MLLT10: variants seen among roughly 807,000 people sequenced by gnomAD.
MLLT10 encodes the protein protein AF-10.
Under a neutral mutation model 129.1 loss-of-function variants are expected in MLLT10, and 30 were observed. The observed-to-expected ratio is 0.23, with a 90% CI of 0.17 to 0.32. The LOEUF is 0.32. MLLT10 is among the 10% of genes least tolerant of loss of function. The probability of loss-of-function intolerance (pLI) is 1.00; values close to 1 mark genes in which losing one functional copy is unlikely to be tolerated. For synonymous variants in MLLT10, 490 were observed against 446.4 expected (o/e 1.10, Z -1.23); for missense variants, 1,119 against 1,268.3 (o/e 0.88, Z 1.79).
chr10:21,651,540 C>A, intron 8 of MLLT10, 133 bp from the exon 9 acceptor site: 1 of 605,970 alleles, frequency 1.7e-6, no homozygotes, highest in Non-Finnish European at 2.9e-6. Context: ...TAAAACAACA[C>A]AATGATCAGA....
chr10:21,564,836 A>AAT (rs2039347407), intron 3 of MLLT10, among the ~76,000 whole-genome samples: 1 of 151,856 alleles, frequency 6.6e-6, no homozygotes, highest in African/African-American at 2.4e-5. Context: ...AAAAAAAAAA[A>AAT]AAAAGGTATT....
intron 9 of MLLT10, among the ~76,000 whole-genome samples, chr10:21,666,406 T>C: frequency 6.6e-6 from 1 of 152,114 alleles, no homozygotes; most frequent in East Asian, 1.9e-4. Flanking sequence ...GGCTCATGGC[T>C]GTACTCCCAA....
chr10:21,688,906 A>C (rs766496398), intron 13 of MLLT10, among the ~76,000 whole-genome samples: 1 of 152,112 alleles, frequency 6.6e-6, no homozygotes, highest in Non-Finnish European at 1.5e-5. Flanking sequence ...TTTTATAATC[A>C]TGATAACTCT....
chr10:21,635,804 G>A (rs530186506), intron 8 of MLLT10, among the ~76,000 whole-genome samples: 1 of 150,514 alleles, frequency 6.6e-6, no homozygotes, highest in East Asian at 1.9e-4. Flanking sequence ...TCAGCTCACT[G>A]CCACCTCCGC....
chr10:21,582,464 T>G (rs757833331), intron 3 of MLLT10, among the ~76,000 whole-genome samples: 3 of 152,160 alleles, frequency 2.0e-5, no homozygotes, highest in Non-Finnish European at 4.4e-5. Flanking sequence ...GTGCCTAATT[T>G]ATAAATTAAA....
intron 14 of MLLT10, among the ~76,000 whole-genome samples, chr10:21,722,064 TTACA>T (rs2057172271): frequency 1.3e-5 from 2 of 151,932 alleles, no homozygotes; most frequent in African/African-American, 4.8e-5. Flanking sequence ...TATATTATCC[TTACA>T]TAAAGAGGAA....
intron 8 of MLLT10, among the ~76,000 whole-genome samples, chr10:21,650,831 T>C (rs967692558): frequency 4.6e-5 from 7 of 152,220 alleles, no homozygotes; most frequent in African/African-American, 7.2e-5. Context: ...ACCCTAACTT[T>C]ATCTAAATTT....
intron 4 of MLLT10, among the ~76,000 whole-genome samples, chr10:21,593,717 A>G (rs1334986085): frequency 6.6e-6 from 1 of 151,894 alleles, no homozygotes; most frequent in Non-Finnish European, 1.5e-5. Flanking sequence ...ACTTGAGGTC[A>G]GGAGGTCGAG....
At chr10:21,739,887 G>A in intron 21 of MLLT10, 143 bp from the exon 22 acceptor site, 1 of 668,960 alleles carries the variant, frequency 1.5e-6, no homozygotes, top group Non-Finnish European at 2.6e-6. Context: ...ATTATCTAGT[G>A]CAGCATATTT....
chr10:21,555,672 A>AG (rs1391941809), intron 3 of MLLT10, among the ~76,000 whole-genome samples: 1 of 142,474 alleles, frequency 7.0e-6, no homozygotes, highest in African/African-American at 2.6e-5. Context: ...CAAATGTAAG[A>AG]CAATTTTTTT....
At chr10:21,612,580 A>G (rs2044760372) in intron 6 of MLLT10, 129 bp downstream of exon 6, 1 of 488,808 alleles carries the variant, frequency 2.0e-6, no homozygotes, top group African/African-American at 1.9e-5. Flanking sequence ...CTATGTTCAC[A>G]TTTACTTATT....
chr10:21,626,996 T>C (rs1400231351), intron 8 of MLLT10, among the ~76,000 whole-genome samples: 1 of 152,204 alleles, frequency 6.6e-6, no homozygotes, highest in Non-Finnish European at 1.5e-5. Context: ...GTTAGAGTTT[T>C]AGACTTCGTC....
chr10:21,728,063 AG>A, intron 16 of MLLT10, 135 bp downstream of exon 16: 1 of 609,502 alleles, frequency 1.6e-6, no homozygotes. Flanking sequence ...TGTCTAGACA[AG>A]AAAAATGATT....
At chr10:21,722,263 C>T (rs2057187512) in intron 14 of MLLT10, among the ~76,000 whole-genome samples, 1 of 152,130 alleles carries the variant, frequency 6.6e-6, no homozygotes, top group Non-Finnish European at 1.5e-5. Flanking sequence ...AGGAGAGTGT[C>T]TATTCACAAT....
Position 21,613,997 on chromosome 10 carries a change from G to C in MLLT10, c.510-834G>C, listed in dbSNP as rs1052050858. On this transcript the variant is annotated intron_variant, in intron 6 of 22. Transcript: ENST00000307729. ...GCACTTTAGGAGGCCAAGGTGGGAG[G>C]ATCGCTTGAGTTAAAGAGCAGTCTG... 9.2e-5 allele frequency among the ~76,000 whole-genome samples: 14 copies of C among 151,860 alleles called. 1 individual carries two copies. Among genetic ancestry groups the C allele is most frequent in the Admixed American group, 9.2e-4 (14 of 15,242 alleles).
chr10:21,623,185 A>G (rs1254298377), intron 8 of MLLT10, among the ~76,000 whole-genome samples: 2 of 152,160 alleles, frequency 1.3e-5, no homozygotes, highest in African/African-American at 4.8e-5. Flanking sequence ...TTATGTAGGC[A>G]CAATTTATTA....
At chr10:21,621,336 C>G (rs2045831567) in intron 8 of MLLT10, among the ~76,000 whole-genome samples, 1 of 150,990 alleles carries the variant, frequency 6.6e-6, no homozygotes, top group African/African-American at 2.4e-5. Context: ...GCTCCGCCTT[C>G]CAGGTTCACG....
At chr10:21,739,934 A>G (rs1241006452) in intron 21 of MLLT10, 96 bp from the exon 22 acceptor site, 11 of 929,068 alleles carry the variant, frequency 1.2e-5, no homozygotes, top group Non-Finnish European at 6.5e-6. Context: ...CTTTGCAAAT[A>G]TCTAATATTA....
chr10:21,549,881 T>C lies in MLLT10; in HGVS notation c.240+10969T>C, dbSNP rs55944057. On this transcript the variant is annotated intron_variant, in intron 3 of 22. Transcript: ENST00000307729. ...CTCAAACTCCTGACCTCAGGTGATC[T>C]GCCCGCCTTGGCCTCCCAAAGTGCT... Among the ~76,000 whole-genome samples the C allele has an allele frequency of 5.8e-3, 882 of 151,288 alleles. 10 individuals are homozygous for C. The highest frequency in any genetic ancestry group is 0.02 in the African/African-American group (836 of 41,228).
Sources: gnomAD v4.1 joint callset for allele counts (sites outside exome capture counted in the v4.1 genomes callset) on GRCh38, gnomAD v4.1.1 for gene constraint, MANE v1.5 for transcripts, NCBI Gene and HGNC (gene_info 2026-07-23, HGNC 2026-07-21) for gene names.